Variants in ALMS1 observed in about 807,000 individuals in gnomAD.
The protein encoded by ALMS1 is ALMS1 centrosome and basal body associated protein.
A neutral mutation model predicts 352.2 loss-of-function variants in ALMS1; 271 were observed. That is an observed-to-expected ratio of 0.77 (90% CI 0.70 to 0.85). The LOEUF is 0.85. ALMS1 is among the 40% of genes least tolerant of loss of function. The pLI, the probability that ALMS1 is intolerant of heterozygous loss-of-function variation, is 0.00. For synonymous variants in ALMS1, 1,865 were observed against 1,761.2 expected, an observed-to-expected ratio of 1.06 and a Z score of -1.48; for missense variants, 5,445 against 4,870.7, an observed-to-expected ratio of 1.12 and a Z score of -3.51.
intron 9 of ALMS1, among the ~76,000 whole-genome samples, chr2:73,462,350 G>A (rs374059849): frequency 5.3e-5 from 8 of 151,864 alleles, no homozygotes; most frequent in South Asian, 4.2e-4. Context: ...CATATCCAGC[G>A]AAACTAAGCT....
At chr2:73,433,060 G>A (rs982537645) in intron 7 of ALMS1, among the ~76,000 whole-genome samples, 45 of 147,456 alleles carry the variant, frequency 3.1e-4, no homozygotes, top group Non-Finnish European at 2.4e-4. Context: ...TTAGGTTAGA[G>A]GCATTGAGGA....
At chr2:73,578,423 A>C (rs1464733628) in intron 16 of ALMS1, among the ~76,000 whole-genome samples, 1 of 151,814 alleles carries the variant, frequency 6.6e-6, no homozygotes, top group South Asian at 2.1e-4. Context: ...TGCTTTCTTT[A>C]TGTCATATCT....
At chr2:73,604,536 G>C (rs1404048263) in intron 21 of ALMS1, among the ~76,000 whole-genome samples, 1 of 152,142 alleles carries the variant, frequency 6.6e-6, no homozygotes, top group African/African-American at 2.4e-5. Context: ...TTTCTTAGTT[G>C]GCATAATGCT....
chr2:73,573,116 A>C lies in ALMS1; in HGVS notation c.11239A>C (p.Thr3747Pro), dbSNP rs1471971885. Reference protein sequence around the residue: ...CRPSEESELLTDTTTNILSGT... With the variant: ...CRPSEESELLPDTTTNILSGT... ...GCCCTCAGAGGAGAGTGAGCTGCTC[A>C]CAGATACTACCACCAACATCCTTTC... The change falls in exon 16 of 23, where the codon ACA becomes CCA. Residue 3747 changes from threonine (T) to proline (P), a missense_variant. Coordinates refer to ENST00000613296, the MANE Select transcript of ALMS1 (RefSeq NM_001378454.1). The C allele has an allele frequency of 6.2e-7, 1 of 1,614,108 alleles. No homozygotes were observed. Among genetic ancestry groups the C allele is most frequent in the South Asian group, 1.1e-5 (1 of 91,082 alleles).
chr2:73,419,352 C>A (rs1469017303), intron 3 of ALMS1, 34 bp downstream of exon 3: 7 of 1,596,642 alleles, frequency 4.4e-6, no homozygotes, highest in Non-Finnish European at 5.2e-6. Context: ...GTAGTAATAC[C>A]TCACATTTGT....
At chr2:73,484,086 A>T (rs1029095855) in intron 9 of ALMS1, among the ~76,000 whole-genome samples, 2 of 151,600 alleles carry the variant, frequency 1.3e-5, no homozygotes, top group African/African-American at 4.9e-5. Flanking sequence ...TAAAGTTAAT[A>T]TTGTTATGTG....
intron 16 of ALMS1, among the ~76,000 whole-genome samples, chr2:73,584,447 A>C (rs1675264490): frequency 6.6e-6 from 1 of 152,144 alleles, no homozygotes; most frequent in African/African-American, 2.4e-5. Context: ...TAGACTGTTA[A>C]ATGTTCAGGA....
chr2:73,535,966 A>G (rs189252279), intron 12 of ALMS1, among the ~76,000 whole-genome samples: 21 of 152,296 alleles, frequency 1.4e-4, no homozygotes, highest in Admixed American at 1.2e-3. Context: ...CTAGCTTCTG[A>G]TAGTAACTGC....
At chr2:73,565,699 A>G (rs1467544827) in intron 15 of ALMS1, among the ~76,000 whole-genome samples, 1 of 152,256 alleles carries the variant, frequency 6.6e-6, no homozygotes, top group Non-Finnish European at 1.5e-5. Context: ...AGTCATGTTG[A>G]TAGTATGTAC....
At chr2:73,603,523 G>T in intron 21 of ALMS1, 1 of 539,314 alleles carries the variant, frequency 1.9e-6, no homozygotes, top group Non-Finnish European at 3.3e-6. Flanking sequence ...TCACTAATTT[G>T]CATGTCTTAG....
chr2:73,608,656 G>A (rs1675872401), intron 22 of ALMS1, 82 bp downstream of exon 22: 6 of 1,132,492 alleles, frequency 5.3e-6, no homozygotes, highest in Non-Finnish European at 7.9e-6. Context: ...TGCCTGTTGA[G>A]TGTGAAGTCA....
chr2:73,609,827 T>C lies in ALMS1; in HGVS notation c.*215T>C. 1 of 563,530 alleles carries C rather than the reference T, an allele frequency of 1.8e-6. No individual in the cohort carries two copies. The highest frequency in any genetic ancestry group is 1.9e-5 in the African/African-American group (1 of 53,068). The allele number at this position is 563,530 out of a possible 1,614,324, so 34.9% of individuals were successfully genotyped here. A position where few individuals can be genotyped will look rare whatever the true frequency, so the allele number is the denominator to read the frequency against. On this transcript the variant is annotated 3_prime_UTR_variant, in exon 23 of 23. Transcript: ENST00000613296. ...TGCATAGTGGCCTTGTCCAATGGCC[T>C]GTGTGTTACAATGATATGATCATTT...
chr2:73,585,011 T>A (rs1675277226), intron 16 of ALMS1, among the ~76,000 whole-genome samples: 1 of 152,208 alleles, frequency 6.6e-6, no homozygotes, highest in Non-Finnish European at 1.5e-5. Context: ...CCACATTTTC[T>A]TTATCTACAC....
intron 15 of ALMS1, among the ~76,000 whole-genome samples, chr2:73,560,615 T>C (rs571437043): frequency 8.5e-5 from 13 of 152,314 alleles, no homozygotes; most frequent in African/African-American, 2.9e-4. Flanking sequence ...TATTGCAGCG[T>C]TATTTATAAT....
At chr2:73,478,398 G>A (rs1330705067) in intron 9 of ALMS1, among the ~76,000 whole-genome samples, 1 of 152,130 alleles carries the variant, frequency 6.6e-6, no homozygotes, top group East Asian at 1.9e-4. Flanking sequence ...TAAAAAATTT[G>A]TAAGATATAA....
chr2:73,603,240 G>A lies in ALMS1; in HGVS notation c.12299-1G>A, dbSNP rs1313101326. 8.7e-6 allele frequency: 14 copies of A among 1,614,028 alleles called. No individual in the cohort carries two copies. Among genetic ancestry groups the A allele is most frequent in the Non-Finnish European group, 1.1e-5 (13 of 1,179,944 alleles). On this transcript the variant is annotated splice_acceptor_variant, in intron 20 of 22. Coordinates refer to ENST00000613296, the MANE Select transcript of ALMS1 (RefSeq NM_001378454.1). LOFTEE classifies it high-confidence loss of function. ...TGAAAACCCTTTCTTCTCTTGCCTA[G>A]TCTTCCTGGCTATCCAGAAGAACAA...
At chr2:73,545,293 G>A (rs1378907992) in intron 12 of ALMS1, among the ~76,000 whole-genome samples, 1 of 150,274 alleles carries the variant, frequency 6.7e-6, no homozygotes, top group Admixed American at 6.7e-5. Context: ...CAGTTCTCCT[G>A]CCTTAGCCTC....
intron 7 of ALMS1, among the ~76,000 whole-genome samples, chr2:73,440,271 A>G (rs906735622): frequency 2.0e-5 from 3 of 151,192 alleles, no homozygotes; most frequent in African/African-American, 7.3e-5. Flanking sequence ...GCGTGAGCCA[A>G]TGCACCCGGC....
At chr2:73,567,404 C>T (rs954778911) in intron 15 of ALMS1, among the ~76,000 whole-genome samples, 3 of 152,156 alleles carry the variant, frequency 2.0e-5, no homozygotes, top group Admixed American at 6.5e-5. Flanking sequence ...GCTGTTATCC[C>T]GTTTTCCTAA....
Sources: gnomAD v4.1 joint callset for allele counts (sites outside exome capture counted in the v4.1 genomes callset) on GRCh38, gnomAD v4.1.1 for gene constraint, MANE v1.5 for transcripts, NCBI Gene and HGNC (gene_info 2026-07-23, HGNC 2026-07-21) for gene names.